DAB1: variants seen among roughly 807,000 people sequenced by gnomAD.
The protein encoded by DAB1 is disabled homolog 1.
Under a neutral mutation model 64.6 loss-of-function variants are expected in DAB1, and 15 were observed. That is an observed-to-expected ratio of 0.23 (90% CI 0.16 to 0.36). The LOEUF is 0.36. Among genes scored for constraint, DAB1 ranks in the 10% least tolerant of loss-of-function variants. The pLI, the probability that DAB1 is intolerant of heterozygous loss-of-function variation, is 1.00. For missense variants in DAB1, 596 were observed against 706.7 expected, an observed-to-expected ratio of 0.84 and a Z score of 1.78; for synonymous variants, 235 against 251.9, an observed-to-expected ratio of 0.93 and a Z score of 0.64.
At chr1:57,787,588 T>C (rs747198442) in intron 6 of DAB1, among the ~76,000 whole-genome samples, 31 of 152,040 alleles carry the variant, frequency 2.0e-4, no homozygotes, top group Non-Finnish European at 1.2e-4. Flanking sequence ...AAAAAAAGTC[T>C]TGGTAATCTT....
chr1:58,048,333 G>A, intron 5 of DAB1: 2 of 1,084,454 alleles, frequency 1.8e-6, no homozygotes, highest in South Asian at 2.5e-5. Flanking sequence ...TTTGAAAACT[G>A]ATTGTTTTAA....
chr1:57,286,287 C>T (rs1672308894), intron 2 of DAB1, among the ~76,000 whole-genome samples: 1 of 152,114 alleles, frequency 6.6e-6, no homozygotes, highest in Non-Finnish European at 1.5e-5. Context: ...CAATAGATGA[C>T]CCAAATTGTC....
At chr1:57,264,536 C>T (rs56896772) in intron 2 of DAB1, among the ~76,000 whole-genome samples, 2,649 of 152,230 alleles carry the variant, frequency 0.017, 83 homozygotes, top group African/African-American at 0.059. Context: ...TTTGATCTCA[C>T]GGCAATCCTG....
chr1:57,266,050 C>A (rs1337517732), intron 2 of DAB1, among the ~76,000 whole-genome samples: 1 of 152,112 alleles, frequency 6.6e-6, no homozygotes, highest in Admixed American at 6.5e-5. Context: ...CAAGGCATGG[C>A]TCCTGAAATC....
chr1:57,195,764 G>A (rs1450594607), intron 2 of DAB1, among the ~76,000 whole-genome samples: 2 of 152,234 alleles, frequency 1.3e-5, no homozygotes, highest in South Asian at 2.1e-4. Flanking sequence ...CATTAAAGAA[G>A]AGAATTGTTG....
At chr1:58,069,472 C>T (rs1200609056) in intron 5 of DAB1, among the ~76,000 whole-genome samples, 1 of 152,066 alleles carries the variant, frequency 6.6e-6, no homozygotes, top group East Asian at 1.9e-4. Context: ...TACGGCGTAC[C>T]AAGAATACAT....
chr1:57,659,978 A>AAAATAAATAAAT lies in DAB1; in HGVS notation n.552-10325_552-10314dup, dbSNP rs55782137. On this transcript the variant is annotated intron_variant and non_coding_transcript_variant, in intron 6 of 20. Coordinates refer to the DAB1 transcript ENST00000485760. ...GTCAACAGAGCAAGGCTCTCTCTCA[A>AAAATAAATAAAT]AAATAAATAAATAAATAAATAAATA... Among the ~76,000 whole-genome samples, 820 of 138,742 alleles carry AAAATAAATAAAT rather than the reference A, an allele frequency of 5.9e-3. 2 individuals carry two copies. The highest frequency in any genetic ancestry group is 0.011 in the Middle Eastern group (3 of 272). 91.0% of individuals were successfully genotyped at this position (138,742 alleles called of 152,430 possible).
At chr1:57,619,256 C>T (rs1332606475) in intron 7 of DAB1, among the ~76,000 whole-genome samples, 2 of 152,076 alleles carry the variant, frequency 1.3e-5, no homozygotes, top group Non-Finnish European at 1.5e-5. Flanking sequence ...GACAAAACCT[C>T]GCTTAAGGAG....
At chr1:57,911,684 A>G (rs2102009411) in intron 5 of DAB1, among the ~76,000 whole-genome samples, 2 of 152,318 alleles carry the variant, frequency 1.3e-5, no homozygotes, top group South Asian at 4.1e-4. Context: ...TGGAGGTCAC[A>G]GCACAAGCCG....
chr1:58,452,302 T>C (rs1645146236), intron 3 of DAB1, among the ~76,000 whole-genome samples: 1 of 151,846 alleles, frequency 6.6e-6, no homozygotes, highest in African/African-American at 2.4e-5. Context: ...ATGGCACATA[T>C]GCACATAAAA....
At chr1:58,416,080 A>C (rs759266637) in intron 3 of DAB1, among the ~76,000 whole-genome samples, 6 of 152,190 alleles carry the variant, frequency 3.9e-5, no homozygotes, top group Non-Finnish European at 7.3e-5. Context: ...CTAAAGTAAC[A>C]AAGAGGATGC....
At chr1:58,221,291 C>T (rs568899337) in intron 4 of DAB1, among the ~76,000 whole-genome samples, 1 of 152,270 alleles carries the variant, frequency 6.6e-6, no homozygotes, top group South Asian at 2.1e-4. Context: ...TCTGCCCACT[C>T]GTTGCTCACA....
intron 2 of DAB1, among the ~76,000 whole-genome samples, chr1:57,190,170 G>T (rs578044553): frequency 1.3e-5 from 2 of 152,252 alleles, no homozygotes; most frequent in South Asian, 4.1e-4. Context: ...AGTAGGTATG[G>T]GGTGGGGACT....
intron 7 of DAB1, among the ~76,000 whole-genome samples, chr1:57,450,912 TTC>T (rs1686325526): frequency 1.3e-5 from 2 of 152,214 alleles, no homozygotes; most frequent in Admixed American, 1.3e-4. Flanking sequence ...ATTGGCTGGT[TTC>T]TGTTATCTAA....
chr1:58,229,920 CACAG>C, intron 4 of DAB1, among the ~76,000 whole-genome samples: 1 of 152,328 alleles, frequency 6.6e-6, no homozygotes, highest in South Asian at 2.1e-4. Flanking sequence ...CTCAGGACCA[CACAG>C]ACAGATAGTG....
chr1:57,366,355 T>A (rs1322117616), intron 1 of DAB1, among the ~76,000 whole-genome samples: 2 of 152,238 alleles, frequency 1.3e-5, no homozygotes, highest in Non-Finnish European at 2.9e-5. Context: ...GTGAACAAGA[T>A]GAGTAAAAGA....
intron 4 of DAB1, among the ~76,000 whole-genome samples, chr1:58,263,126 G>C (rs1239804911): frequency 6.6e-6 from 1 of 152,140 alleles, no homozygotes. Flanking sequence ...ATGTAATATG[G>C]CATAGAGAAC....
At chr1:57,072,105 G>A (rs578044102) in intron 5 of DAB1, among the ~76,000 whole-genome samples, 178 bp downstream of exon 5, 1 of 151,116 alleles carries the variant, frequency 6.6e-6, no homozygotes, top group East Asian at 1.9e-4. Flanking sequence ...ATGGGTATGA[G>A]CATGTTTCCT....
intron 3 of DAB1, among the ~76,000 whole-genome samples, chr1:58,364,679 A>T (rs1644199272): frequency 6.6e-6 from 1 of 152,232 alleles, no homozygotes; most frequent in African/African-American, 2.4e-5. Context: ...AATAAAGGGA[A>T]GAGAGGAGAG....
Sources: gnomAD v4.1 joint callset for allele counts (sites outside exome capture counted in the v4.1 genomes callset) on GRCh38, gnomAD v4.1.1 for gene constraint, MANE v1.5 for transcripts, NCBI Gene and HGNC (gene_info 2026-07-23, HGNC 2026-07-21) for gene names.